FAM83D: variants seen among roughly 807,000 people sequenced by gnomAD.
The protein encoded by FAM83D is scaffolding CK1 anchoring protein D, also known as protein FAM83D.
In FAM83D, 26 loss-of-function variants were observed where a neutral mutation model predicts 25.4. The ratio of observed to expected loss-of-function variants is 1.02; its 90% CI spans 0.75 to 1.42. FAM83D has a LOEUF of 1.42. Ranked by LOEUF, FAM83D falls within the 40% of genes most tolerant of loss-of-function variation. The pLI is 0.00. For missense variants in FAM83D, 740 were observed against 758.1 expected, an observed-to-expected ratio of 0.98 and a Z score of 0.28; for synonymous variants, 310 against 318.5, an observed-to-expected ratio of 0.97 and a Z score of 0.28.
intron 1 of FAM83D, among the ~76,000 whole-genome samples, chr20:38,933,263 A>G (rs780129996): frequency 6.6e-6 from 1 of 152,226 alleles, no homozygotes; most frequent in East Asian, 1.9e-4. Flanking sequence ...CAGTGTCTCC[A>G]GAGTGGGAAA....
chr20:38,942,821 A>C (rs1174877775), intron 2 of FAM83D, among the ~76,000 whole-genome samples: 1 of 152,186 alleles, frequency 6.6e-6, no homozygotes, highest in Admixed American at 6.5e-5. Context: ...TAAGCTCTTT[A>C]AAAGAAATGT....
intron 3 of FAM83D, among the ~76,000 whole-genome samples, chr20:38,950,174 T>G (rs1434391141): frequency 3.9e-5 from 6 of 152,186 alleles, no homozygotes; most frequent in Non-Finnish European, 7.3e-5. Context: ...AGGGTGAAAC[T>G]CTTTCACTCA....
chr20:38,930,254 G>T (rs2085653475), intron 1 of FAM83D, among the ~76,000 whole-genome samples: 1 of 152,212 alleles, frequency 6.6e-6, no homozygotes, highest in African/African-American at 2.4e-5. Context: ...ACCTAATGGT[G>T]ATATGATTGA....
At chr20:38,946,456 A>G (rs2085729067) in intron 2 of FAM83D, among the ~76,000 whole-genome samples, 1 of 152,178 alleles carries the variant, frequency 6.6e-6, no homozygotes, top group African/African-American at 2.4e-5. Context: ...TTATGGTACA[A>G]TGTCAAAACC....
chr20:38,947,793 A>G (rs2085734446), intron 2 of FAM83D, 83 bp from the exon 3 acceptor site: 2 of 1,512,824 alleles, frequency 1.3e-6, no homozygotes, highest in South Asian at 1.2e-5. Context: ...ATTGTAAACT[A>G]AGGCTTTTTG....
At chr20:38,933,823 G>A (rs771905978) in intron 1 of FAM83D, among the ~76,000 whole-genome samples, 3 of 151,528 alleles carry the variant, frequency 2.0e-5, no homozygotes, top group African/African-American at 4.9e-5. Flanking sequence ...TCCTGGCCCC[G>A]GCAACCACCA....
chr20:38,931,196 A>G (rs1455822584), intron 1 of FAM83D, among the ~76,000 whole-genome samples: 2 of 152,230 alleles, frequency 1.3e-5, no homozygotes, highest in Admixed American at 6.5e-5. Context: ...TTTAATTTCC[A>G]TGTTGCGTAT....
intron 1 of FAM83D, among the ~76,000 whole-genome samples, chr20:38,931,962 A>T (rs1159624207): frequency 2.0e-5 from 3 of 152,226 alleles, no homozygotes; most frequent in Non-Finnish European, 4.4e-5. Flanking sequence ...CTTTCCACTC[A>T]GCAAGTATTT....
intron 3 of FAM83D, among the ~76,000 whole-genome samples, chr20:38,948,270 C>G (rs1351568338): frequency 6.6e-6 from 1 of 152,180 alleles, no homozygotes; most frequent in African/African-American, 2.4e-5. Flanking sequence ...AGATTTCAAG[C>G]CTTGGCCCAG....
intron 1 of FAM83D, among the ~76,000 whole-genome samples, chr20:38,938,240 T>G (rs1026719255): frequency 3.3e-5 from 5 of 152,256 alleles, no homozygotes; most frequent in Admixed American, 1.3e-4. Flanking sequence ...TGGCCGTGCC[T>G]TGTGCTGTGG....
Position 38,952,770 on chromosome 20 carries a change from G to A in FAM83D, c.*250G>A. 1.9e-6 allele frequency: 1 copy of A among 517,532 alleles called. No homozygotes were observed. The highest frequency in any genetic ancestry group is 2.5e-5 in the South Asian group (1 of 40,564). The allele number at this position is 517,532 out of a possible 1,614,324, so 32.1% of individuals were successfully genotyped here. On this transcript the variant is annotated 3_prime_UTR_variant, in exon 4 of 4. Transcript: ENST00000619850. ...TGTTTTGCACAATTTTAATAGTCATGCACTACATAATGATGTTTTGGTCAA... is the reference window on the plus strand; with the variant it reads ...TGTTTTGCACAATTTTAATAGTCATACACTACATAATGATGTTTTGGTCAA...
chr20:38,950,197 A>G (rs1415683233), intron 3 of FAM83D, among the ~76,000 whole-genome samples: 1 of 152,136 alleles, frequency 6.6e-6, no homozygotes, highest in East Asian at 1.9e-4. Context: ...ATTACTATCA[A>G]TCCCTTCTGT....
chr20:38,950,184 A>C lies in FAM83D; in HGVS notation c.777-1355A>C, dbSNP rs115072055. ...CCCAAAGGGTGAAACTCTTTCACTC[A>C]GAATTACTATCAATCCCTTCTGTCA... is the stretch of plus-strand genomic sequence containing the variant. On this transcript the variant is annotated intron_variant, in intron 3 of 3. Coordinates refer to ENST00000619850, the MANE Select transcript of FAM83D (RefSeq NM_030919.3). 1.7e-3 allele frequency among the ~76,000 whole-genome samples: 261 copies of C among 152,354 alleles called. 1 individual carries two copies. The highest frequency in any genetic ancestry group is 5.9e-3 in the African/African-American group (247 of 41,584).
intron 2 of FAM83D, among the ~76,000 whole-genome samples, chr20:38,942,953 G>A (rs1360838702): frequency 1.3e-5 from 2 of 152,140 alleles, no homozygotes; most frequent in Admixed American, 6.5e-5. Flanking sequence ...AGTAGCTCCA[G>A]GAGGCTGCCC....
rs1296179933 is a variant in FAM83D at position 38,952,856 on chromosome 20, C to G, written c.*336C>G. The G allele has an allele frequency of 3.6e-6, 1 of 277,068 alleles. No individual in the cohort carries two copies. Among genetic ancestry groups the G allele is most frequent in the Non-Finnish European group, 6.8e-6 (1 of 146,712 alleles). The allele number at this position is 277,068 out of a possible 1,614,324, so 17.2% of individuals were successfully genotyped here. Reference sequence around the variant, plus strand: ...TTATAATACTGTATTTTTACTATACCTTTTCTGTGTTTAGATACAAATACC... The same window carrying G: ...TTATAATACTGTATTTTTACTATACGTTTTCTGTGTTTAGATACAAATACC... On this transcript the variant is annotated 3_prime_UTR_variant, in exon 4 of 4. Transcript: ENST00000619850.
chr20:38,948,457 C>G (rs1038685445), intron 3 of FAM83D, among the ~76,000 whole-genome samples: 1 of 152,214 alleles, frequency 6.6e-6, no homozygotes, highest in Non-Finnish European at 1.5e-5. Context: ...CTCCACGTTG[C>G]TTCAAGCCTT....
intron 1 of FAM83D, among the ~76,000 whole-genome samples, chr20:38,929,776 A>G (rs1226840441): frequency 2.0e-5 from 3 of 149,240 alleles, no homozygotes; most frequent in African/African-American, 7.4e-5. Flanking sequence ...CAACACGGGG[A>G]GACCCTGTCT....
intron 2 of FAM83D, among the ~76,000 whole-genome samples, chr20:38,944,579 G>A (rs2085718245): frequency 6.6e-6 from 1 of 152,184 alleles, no homozygotes; most frequent in Non-Finnish European, 1.5e-5. Flanking sequence ...AGCAGGCACC[G>A]GTTCAGTTGC....
At chr20:38,932,231 A>T (rs544327468) in intron 1 of FAM83D, among the ~76,000 whole-genome samples, 15 of 152,228 alleles carry the variant, frequency 9.9e-5, no homozygotes, top group African/African-American at 3.6e-4. Flanking sequence ...ACAAAAAGTT[A>T]AAAAATTAGC....
Sources: allele counts gnomAD v4.1 joint callset (sites outside exome capture counted in the v4.1 genomes callset), GRCh38; gene constraint gnomAD v4.1.1; transcripts MANE v1.5; gene names NCBI Gene and HGNC (gene_info 2026-07-23, HGNC 2026-07-21).